The following VTI1A variants were observed in gnomAD, a reference collection of about 807,000 sequenced individuals.
VTI1A encodes vesicle transport through interaction with t-SNAREs 1A.
VTI1A carries 22 observed loss-of-function variants against 34.9 expected under a neutral mutation model. That is an observed-to-expected ratio of 0.63 (90% CI 0.45 to 0.90). The LOEUF is 0.90. Among genes scored for constraint, VTI1A ranks in the 40% least tolerant of loss-of-function variants. The pLI, the probability that VTI1A is intolerant of heterozygous loss-of-function variation, is 0.00. For synonymous variants in VTI1A, 87 were observed against 97.3 expected (o/e 0.89, Z 0.62); for missense variants, 268 against 275.6 (o/e 0.97, Z 0.20).
intron 7 of VTI1A, among the ~76,000 whole-genome samples, chr10:112,754,044 A>G (rs938658438): frequency 3.3e-5 from 5 of 152,172 alleles, no homozygotes; most frequent in Admixed American, 3.3e-4. Flanking sequence ...TGTAAGTTGG[A>G]CCGCGAGAGA....
intron 7 of VTI1A, among the ~76,000 whole-genome samples, chr10:112,814,003 C>T (rs1853417114): frequency 1.3e-5 from 2 of 152,198 alleles, no homozygotes; most frequent in South Asian, 4.1e-4. Context: ...TCTGATAAGA[C>T]AGTTTCCATT....
intron 3 of VTI1A, among the ~76,000 whole-genome samples, chr10:112,472,208 G>C (rs1848113764): frequency 6.6e-6 from 1 of 152,222 alleles, no homozygotes; most frequent in Non-Finnish European, 1.5e-5. Flanking sequence ...CCAGTCTCAA[G>C]TTCACTTCTA....
intron 5 of VTI1A, among the ~76,000 whole-genome samples, chr10:112,590,681 A>G (rs1844355995): frequency 6.6e-6 from 1 of 151,584 alleles, no homozygotes; most frequent in South Asian, 2.1e-4. Context: ...GACCCTGTCT[A>G]AACAATAATA....
intron 7 of VTI1A, among the ~76,000 whole-genome samples, chr10:112,679,529 G>A (rs1244106138): frequency 6.6e-6 from 1 of 151,914 alleles, no homozygotes; most frequent in Admixed American, 6.6e-5. Context: ...TTTTAAAAAG[G>A]CTAATGACTT....
intron 3 of VTI1A, among the ~76,000 whole-genome samples, chr10:112,522,447 A>C (rs1473864261): frequency 6.6e-6 from 1 of 152,128 alleles, no homozygotes; most frequent in African/African-American, 2.4e-5. Flanking sequence ...TCTGCAGCAC[A>C]TAGATTAGAA....
chr10:112,840,980 T>G, the VTI1A span, among the ~76,000 whole-genome samples: 1 of 152,114 alleles, frequency 6.6e-6, no homozygotes, highest in Non-Finnish European at 1.5e-5. Context: ...CTAGGACATG[T>G]GCCTTCAACA....
At chr10:112,780,973 A>G (rs990533547) in intron 7 of VTI1A, among the ~76,000 whole-genome samples, 2 of 151,818 alleles carry the variant, frequency 1.3e-5, no homozygotes, top group East Asian at 3.9e-4. Flanking sequence ...ATATATATAT[A>G]TTTTTTGACG....
At chr10:112,668,169 C>T in intron 5 of VTI1A, 49 bp from the exon 6 acceptor site, 2 of 1,500,544 alleles carry the variant, frequency 1.3e-6, no homozygotes, top group Non-Finnish European at 1.9e-6. Context: ...GATTTACTCT[C>T]ATATGCACTC....
downstream of VTI1A, among the ~76,000 whole-genome samples, chr10:112,818,947 T>C (rs1009715274): frequency 6.6e-6 from 1 of 152,050 alleles, no homozygotes; most frequent in Non-Finnish European, 1.5e-5. Flanking sequence ...CAGAGAAAGA[T>C]GAAAACTTGT....
chr10:112,716,034 TG>T (rs1195442537), intron 7 of VTI1A, among the ~76,000 whole-genome samples: 1 of 152,086 alleles, frequency 6.6e-6, no homozygotes, highest in African/African-American at 2.4e-5. Flanking sequence ...ACCTGCCAGC[TG>T]GGAGCGGACC....
At chr10:112,512,256 A>G (rs559979583) in intron 3 of VTI1A, among the ~76,000 whole-genome samples, 118 of 152,300 alleles carry the variant, frequency 7.7e-4, no homozygotes, top group African/African-American at 2.8e-3. Context: ...GACTAGGGTA[A>G]GAGAATATTT....
chr10:112,602,529 T>C (rs1249776264), intron 5 of VTI1A, among the ~76,000 whole-genome samples: 1 of 152,264 alleles, frequency 6.6e-6, no homozygotes, highest in Non-Finnish European at 1.5e-5. Context: ...AACTCTAAAA[T>C]AGTTTTGATG....
At chr10:112,487,118 A>T (rs1309465318) in intron 3 of VTI1A, among the ~76,000 whole-genome samples, 1 of 152,038 alleles carries the variant, frequency 6.6e-6, no homozygotes, top group Non-Finnish European at 1.5e-5. Flanking sequence ...GATAAAACTG[A>T]ACAAACTTAA....
At chr10:112,666,574 G>T (rs547673478) in intron 5 of VTI1A, among the ~76,000 whole-genome samples, 1 of 152,232 alleles carries the variant, frequency 6.6e-6, no homozygotes, top group Non-Finnish European at 1.5e-5. Context: ...ATGATTCTTT[G>T]TTGAATGCTC....
chr10:112,629,496 A>C (rs1846052436), intron 5 of VTI1A, among the ~76,000 whole-genome samples: 1 of 152,226 alleles, frequency 6.6e-6, no homozygotes, highest in African/African-American at 2.4e-5. Flanking sequence ...AGAATCTTTT[A>C]AAAACAGGAC....
intron 7 of VTI1A, among the ~76,000 whole-genome samples, chr10:112,742,855 G>A (rs1294998981): frequency 6.6e-6 from 1 of 152,184 alleles, no homozygotes; most frequent in Non-Finnish European, 1.5e-5. Flanking sequence ...AAATGAACAG[G>A]AAATACAGTT....
intron 7 of VTI1A, among the ~76,000 whole-genome samples, chr10:112,783,401 GCACACACA>G (rs58560251): frequency 4.7e-5 from 7 of 150,418 alleles, no homozygotes; most frequent in Admixed American, 2.6e-4. Flanking sequence ...GCGTGCACGT[GCACACACA>G]CACACACACA....
chr10:112,769,678 A>G (rs1489654613), intron 7 of VTI1A, among the ~76,000 whole-genome samples: 2 of 152,220 alleles, frequency 1.3e-5, no homozygotes, highest in Admixed American at 6.5e-5. Context: ...GTTTCAATCC[A>G]TGCATCCCAT....
At chr10:112,779,462 A>G (rs1852049598) in intron 7 of VTI1A, among the ~76,000 whole-genome samples, 2 of 152,228 alleles carry the variant, frequency 1.3e-5, no homozygotes, top group South Asian at 2.1e-4. Context: ...ACATATCTAC[A>G]TAAGAGAGAT....
Sources: gnomAD v4.1 joint callset for allele counts (sites outside exome capture counted in the v4.1 genomes callset) on GRCh38, gnomAD v4.1.1 for gene constraint, MANE v1.5 for transcripts, NCBI Gene and HGNC (gene_info 2026-07-23, HGNC 2026-07-21) for gene names.